PRKD2: variants seen among roughly 807,000 people sequenced by gnomAD.
PRKD2 encodes protein kinase D2.
A neutral mutation model predicts 86.0 loss-of-function variants in PRKD2; 22 were observed. The observed-to-expected ratio is 0.26, with a 90% CI of 0.18 to 0.37. The LOEUF (loss-of-function observed/expected upper bound fraction) is 0.37, where lower values mean the gene tolerates loss of function less well. Among genes scored for constraint, PRKD2 ranks in the 10% least tolerant of loss-of-function variants. The pLI, the probability that PRKD2 is intolerant of heterozygous loss-of-function variation, is 1.00. For synonymous variants in PRKD2, 509 were observed against 510.9 expected, an observed-to-expected ratio of 1.00 and a Z score of 0.05; for missense variants, 818 against 1,199.2, an observed-to-expected ratio of 0.68 and a Z score of 4.70.
rs2053880100 is a variant in PRKD2, at chr19:46,716,273, G to C, written c.98C>G (p.Pro33Arg). 5.7e-6 allele frequency: 9 copies of C among 1,586,934 alleles called. No homozygotes were observed. The highest frequency in any genetic ancestry group is 7.7e-6 in the Non-Finnish European group (9 of 1,167,380). ...PGGLELQSPP[P>R]LLPQIPAPGS... ...CGGGGCCGGGATCTGGGGCAGTAGC[G>C]GTGGCGGCGACTGCAGCTCTAGGCC... Residue 33 changes from proline (P) to arginine (R), a missense_variant, in exon 1 of 18, where the codon CCG becomes CGG. Around this residue, in one of 5 missense-constraint regions of PRKD2, gnomAD observed 403 missense variants for 518.6 expected, o/e 0.78. Coordinates refer to ENST00000291281, the MANE Select transcript of PRKD2 (RefSeq NM_016457.5). This position sits in a 1 kb window ranked among gnomAD's most constrained non-coding sequence, Gnocchi z 7.9.
chr19:46,707,720 C>A (rs1481087436), intron 3 of PRKD2, among the ~76,000 whole-genome samples: 1 of 152,224 alleles, frequency 6.6e-6, no homozygotes, highest in Non-Finnish European at 1.5e-5. Flanking sequence ...AACATTCTCA[C>A]TCAGAAGCAT....
At position 46,680,946 on chromosome 19, in the gene PRKD2, A is replaced by AT. The variant is rs1222612655; in HGVS notation, c.2070+703dup. On this transcript the variant is annotated intron_variant, in intron 15 of 17. Coordinates refer to ENST00000291281, the MANE Select transcript of PRKD2 (RefSeq NM_016457.5). Reference sequence around the variant, plus strand: ...AAACTATATATATATATATATATATATTTTTTTTTTTTTTTTTGAGACAGA... The same window carrying AT: ...AAACTATATATATATATATATATATATTTTTTTTTTTTTTTTTTGAGACAGA... Among the ~76,000 whole-genome samples the AT allele has an allele frequency of 9.3e-3, 449 of 48,242 alleles. 17 individuals carry two copies. Among genetic ancestry groups the AT allele is most frequent in the Middle Eastern group, 0.023 (1 of 44 alleles). 31.6% of individuals were successfully genotyped at this position (48,242 alleles called of 152,430 possible).
intron 3 of PRKD2, among the ~76,000 whole-genome samples, chr19:46,705,559 G>A (rs1057366542): frequency 9.2e-5 from 14 of 152,142 alleles, no homozygotes; most frequent in Middle Eastern, 3.2e-3. Flanking sequence ...GGCCAAGGCC[G>A]GCGGATCACT....
chr19:46,710,160 G>A (rs1189280800), intron 3 of PRKD2, among the ~76,000 whole-genome samples: 2 of 152,020 alleles, frequency 1.3e-5, no homozygotes, highest in Admixed American at 6.6e-5. Flanking sequence ...GCCTCCCAAA[G>A]TGCTGGGATT....
At chr19:46,712,834 A>T (rs889205530) in intron 2 of PRKD2, among the ~76,000 whole-genome samples, 1 of 152,208 alleles carries the variant, frequency 6.6e-6, no homozygotes, top group East Asian at 1.9e-4. Flanking sequence ...TGCTGAGAGC[A>T]TGCCCATCTA....
Position 46,691,916 on chromosome 19 carries a change from G to A in PRKD2, c.1629+17C>T. On this transcript the variant is annotated intron_variant, in intron 11 of 17. Coordinates refer to ENST00000291281, the MANE Select transcript of PRKD2 (RefSeq NM_016457.5). ...TTTGTGGGAGGGGAGGGCATCAGGT[G>A]GGGGCAGGAGTCTCACCACATTCTC... 1 of 1,613,302 alleles carries A rather than the reference G, an allele frequency of 6.2e-7. No individual in the cohort carries two copies. Among genetic ancestry groups the A allele is most frequent in the Admixed American group, 1.7e-5 (1 of 59,968 alleles).
At chr19:46,674,840 T>A in intron 17 of PRKD2, 105 bp from the exon 18 acceptor site, 1 of 1,324,412 alleles carries the variant, frequency 7.6e-7, no homozygotes, top group Non-Finnish European at 1.0e-6. Flanking sequence ...GGTGAAGCCA[T>A]ACCCTCTGCA....
chr19:46,704,739 A>T, intron 3 of PRKD2, 90 bp from the exon 4 acceptor site: 1 of 1,477,088 alleles, frequency 6.8e-7, no homozygotes, highest in Admixed American at 2.3e-5. Context: ...CCAATCTCTC[A>T]CCTGGTCCTG....
chr19:46,674,581 G>A lies in PRKD2; in HGVS notation c.2579C>T (p.Ala860Val). The change falls in exon 18 of 18, where the codon GCC (alanine) becomes GTC (valine). Residue 860 changes from alanine (A) to valine (V), a missense_variant. Physicochemically the swap from Ala to Val is moderately conservative, Grantham distance 64. Transcript: ENST00000291281. ...GLPTDRDLGG[A>V]CPPQDHDMQG... is the part of the protein sequence containing the mutation. ...CATGTCGTGGTCCTGTGGTGGACAG[G>A]CCCCACCGAGATCCCTGTCCGTGGG... 6.2e-7 allele frequency: 1 copy of A among 1,606,862 alleles called. No homozygotes were observed. The highest frequency in any genetic ancestry group is 8.5e-7 in the Non-Finnish European group (1 of 1,178,220).
intron 13 of PRKD2, among the ~76,000 whole-genome samples, chr19:46,690,278 T>C (rs1027962706): frequency 1.3e-5 from 2 of 152,130 alleles, no homozygotes; most frequent in Admixed American, 6.6e-5. Flanking sequence ...CCTGCGGGAT[T>C]TTCCTAACGT....
At chr19:46,694,469 C>T (rs562913714) in intron 9 of PRKD2, among the ~76,000 whole-genome samples, 28 of 152,238 alleles carry the variant, frequency 1.8e-4, no homozygotes, top group African/African-American at 6.7e-4. Context: ...GTGGTGTGCG[C>T]CTGTAATCCC....
At position 46,689,687 on chromosome 19, in the gene PRKD2, A is replaced by C. The variant is rs994152284; in HGVS notation, c.1821T>G (p.His607Gln). ...NEVAILQSLR[H>Q]PGIVNLECMF... ...TGCACTCCAGGTTCACGATCCCGGG[A>C]TGCCGCAGGCTCTGCAGGGTGGGGA... Residue 607 changes from histidine (H) to glutamine (Q), a missense_variant, in exon 14 of 18, where the codon CAT becomes CAG. Coordinates refer to ENST00000291281, the MANE Select transcript of PRKD2 (RefSeq NM_016457.5). 6.2e-7 allele frequency: 1 copy of C among 1,613,930 alleles called. No homozygotes were observed. The highest frequency in any genetic ancestry group is 1.3e-5 in the African/African-American group (1 of 74,902).
intron 14 of PRKD2, among the ~76,000 whole-genome samples, chr19:46,687,407 A>C (rs1365396491): frequency 8.6e-5 from 7 of 81,420 alleles, no homozygotes. Context: ...AACAAACAAA[A>C]AGCACAGGCA....
rs373224279 is a variant in PRKD2, at chr19:46,689,669, C to T, written c.1839G>A (p.Leu613=). Reference sequence around the variant, plus strand: ...TCTCAGGCGTCTCGAACATGCACTCCAGGTTCACGATCCCGGGATGCCGCA... The same window carrying T: ...TCTCAGGCGTCTCGAACATGCACTCTAGGTTCACGATCCCGGGATGCCGCA... ...QSLRHPGIVN[L]ECMFETPEKV... is the part of the protein sequence containing the mutation. The change falls in exon 14 of 18, where the codon CTG becomes CTA. Residue 613 remains leucine, a synonymous_variant. Transcript: ENST00000291281. 1.6e-5 allele frequency: 26 copies of T among 1,614,156 alleles called. No individual in the cohort carries two copies. The African/African-American group carries it at 2.9e-4, about 18-fold the overall frequency.
intron 2 of PRKD2, among the ~76,000 whole-genome samples, chr19:46,713,295 G>A (rs2053834697): frequency 6.6e-6 from 1 of 150,902 alleles, no homozygotes; most frequent in Non-Finnish European, 1.5e-5. Context: ...CCAAACTGCT[G>A]GGATTACAGG....
chr19:46,680,947 T>TATATATATATATATTTTC (rs1555826536), intron 15 of PRKD2, among the ~76,000 whole-genome samples: 10 of 33,232 alleles, frequency 3.0e-4, no homozygotes, highest in Non-Finnish European at 6.7e-4. Context: ...TATATATATA[T>TATATATATATATATTTTC]TTTTTTTTTT....
rs537848612 is a variant in PRKD2, at chr19:46,717,081, T to TCGGCGGCGG, written c.-720_-712dup. Reference sequence around the variant, plus strand: ...TCTTTTTCCCCCTCCAAAGTTTAAGTCGGCGGCGGCGGCGGCGGCCCAGGA... The same window carrying TCGGCGGCGG: ...TCTTTTTCCCCCTCCAAAGTTTAAGTCGGCGGCGGCGGCGGCGGCGGCGGCGGCCCAGGA... On this transcript the variant is annotated 5_prime_UTR_variant, in exon 1 of 18. Transcript: ENST00000291281. The TCGGCGGCGG allele has an allele frequency of 5.2e-5, 8 of 153,214 alleles. 1 individual carries two copies. Among genetic ancestry groups the TCGGCGGCGG allele is most frequent in the Non-Finnish European group, 1.2e-4 (8 of 69,134 alleles). The allele number at this position is 153,214 out of a possible 1,614,324, so 9.5% of individuals were successfully genotyped here.
chr19:46,700,972 A>C lies in PRKD2; in HGVS notation c.968-20T>G. The C allele has an allele frequency of 6.2e-7, 1 of 1,614,218 alleles. No individual in the cohort carries two copies. Among genetic ancestry groups the C allele is most frequent in the Middle Eastern group, 1.7e-4 (1 of 6,060 alleles). On this transcript the variant is annotated intron_variant, in intron 6 of 17. Transcript: ENST00000291281. ...GCACATCTGTGGGGACGGAGGCATCAGAGGGGTCTCCACCCAGTCCTGCCC... is the reference window on the plus strand; with the variant it reads ...GCACATCTGTGGGGACGGAGGCATCCGAGGGGTCTCCACCCAGTCCTGCCC...
In PRKD2 at chr19:46,681,751, G is replaced by A. The variant is rs768555641; in HGVS notation, c.1972-3C>T. On this transcript the variant is annotated splice_region_variant and splice_polypyrimidine_tract_variant and intron_variant, in intron 14 of 17. Coordinates refer to ENST00000291281, the MANE Select transcript of PRKD2 (RefSeq NM_016457.5). The stretch of plus-strand genomic sequence containing the variant: ...AGGTGTCTCAAAGCCACCAGGATCT[G>A]AGGGGAGCAGATGGGCCCAGTAAGA... 1 of 1,602,798 alleles carries A rather than the reference G, an allele frequency of 6.2e-7. No individual in the cohort carries two copies. The highest frequency in any genetic ancestry group is 8.5e-7 in the Non-Finnish European group (1 of 1,170,084).
Sources: gnomAD v4.1 joint callset for allele counts (sites outside exome capture counted in the v4.1 genomes callset) on GRCh38, gnomAD v4.1.1 for gene constraint, gnomAD v4.1.1 regional missense constraint, Gnocchi (gnomAD v3.1) non-coding constraint, MANE v1.5 for transcripts, NCBI Gene and HGNC (gene_info 2026-07-23, HGNC 2026-07-21) for gene names.